SH3RF3: variants seen among roughly 807,000 people sequenced by gnomAD.
The protein encoded by SH3RF3 is E3 ubiquitin-protein ligase SH3RF3.
A neutral mutation model predicts 66.3 loss-of-function variants in SH3RF3; 29 were observed. The ratio of observed to expected loss-of-function variants is 0.44; its 90% CI spans 0.33 to 0.60. The LOEUF is 0.60. Among genes scored for constraint, SH3RF3 ranks in the 20% least tolerant of loss-of-function variants. SH3RF3 has a pLI of 0.04. For missense variants in SH3RF3, 1,194 were observed against 1,190.9 expected (o/e 1.00, Z -0.04); for synonymous variants, 583 against 532.0 (o/e 1.10, Z -1.32).
At chr2:109,230,449 G>T (rs1490389501) in intron 1 of SH3RF3, among the ~76,000 whole-genome samples, 1 of 152,120 alleles carries the variant, frequency 6.6e-6, no homozygotes, top group Non-Finnish European at 1.5e-5. Flanking sequence ...GCATGATGGT[G>T]CATGCCTGTT....
chr2:109,177,038 T>A (rs897621789), intron 1 of SH3RF3, among the ~76,000 whole-genome samples: 2 of 152,198 alleles, frequency 1.3e-5, no homozygotes, highest in African/African-American at 4.8e-5. Flanking sequence ...AGCCACCTGC[T>A]GTGTGACCTG....
At chr2:109,392,515 C>T (rs1375291150) in intron 3 of SH3RF3, among the ~76,000 whole-genome samples, 1 of 146,714 alleles carries the variant, frequency 6.8e-6, no homozygotes, top group East Asian at 2.0e-4. Context: ...CTTGCTTCTT[C>T]TTTTTTTTTT....
chr2:109,270,843 G>A (rs2098612562), intron 1 of SH3RF3, among the ~76,000 whole-genome samples: 2 of 152,244 alleles, frequency 1.3e-5, no homozygotes, highest in Admixed American at 1.3e-4. Context: ...CAGAGCGTTG[G>A]TAGGATGGAG....
At chr2:109,267,702 TC>T (rs1264909107) in intron 1 of SH3RF3, among the ~76,000 whole-genome samples, 1 of 152,168 alleles carries the variant, frequency 6.6e-6, no homozygotes, top group Non-Finnish European at 1.5e-5. Flanking sequence ...CCCTTTCCCT[TC>T]TTTTACTCTC....
intron 1 of SH3RF3, among the ~76,000 whole-genome samples, chr2:109,340,869 C>T (rs1682541588): frequency 6.6e-6 from 1 of 151,960 alleles, no homozygotes; most frequent in Non-Finnish European, 1.5e-5. Context: ...AACAGGGAAA[C>T]AGGCCACAAC....
intron 9 of SH3RF3, among the ~76,000 whole-genome samples, chr2:109,496,053 C>A (rs562018140): frequency 1.3e-5 from 2 of 152,190 alleles, no homozygotes; most frequent in Non-Finnish European, 1.5e-5. Flanking sequence ...GGGGACCCAC[C>A]GGGTTGCCCT....
chr2:109,475,646 C>T (rs550449919), intron 8 of SH3RF3, among the ~76,000 whole-genome samples: 6 of 152,350 alleles, frequency 3.9e-5, no homozygotes, highest in African/African-American at 1.4e-4. Context: ...CTGTGCTCTG[C>T]ATTGTAGGAT....
intron 1 of SH3RF3, among the ~76,000 whole-genome samples, chr2:109,318,408 A>C (rs1681937625): frequency 6.6e-6 from 1 of 152,140 alleles, no homozygotes; most frequent in Non-Finnish European, 1.5e-5. Context: ...GCCGAGCGCC[A>C]GAAGATTAGG....
At chr2:109,140,444 G>A (rs1485343738) in intron 1 of SH3RF3, among the ~76,000 whole-genome samples, 2 of 151,824 alleles carry the variant, frequency 1.3e-5, no homozygotes, top group Non-Finnish European at 2.9e-5. Context: ...GCAGTGGTGC[G>A]ATCTTGGCTC....
At chr2:109,390,754 G>A (rs886942278) in intron 3 of SH3RF3, among the ~76,000 whole-genome samples, 8 of 152,212 alleles carry the variant, frequency 5.3e-5, no homozygotes, top group African/African-American at 1.9e-4. Flanking sequence ...TTGGTTTTGA[G>A]GGCTGGCTTG....
intron 8 of SH3RF3, among the ~76,000 whole-genome samples, chr2:109,455,643 A>G (rs183473668): frequency 1.2e-3 from 177 of 152,344 alleles, no homozygotes; most frequent in Admixed American, 3.9e-3. Flanking sequence ...GTGGCCAGGC[A>G]GCTCTCTCTA....
At chr2:109,349,170 G>A (rs1301291922) in intron 2 of SH3RF3, among the ~76,000 whole-genome samples, 1 of 152,158 alleles carries the variant, frequency 6.6e-6, no homozygotes, top group African/African-American at 2.4e-5. Context: ...AGAGCTCGAG[G>A]TGGCACTCTC....
At chr2:109,299,343 A>G (rs1681400714) in intron 1 of SH3RF3, among the ~76,000 whole-genome samples, 2 of 151,688 alleles carry the variant, frequency 1.3e-5, no homozygotes, top group Admixed American at 6.6e-5. Flanking sequence ...ATATTTTCCC[A>G]TTTGGGTTAC....
At chr2:109,357,314 T>C (rs1357816439) in intron 2 of SH3RF3, among the ~76,000 whole-genome samples, 1 of 152,096 alleles carries the variant, frequency 6.6e-6, no homozygotes, top group Non-Finnish European at 1.5e-5. Context: ...CCCGAGTAGC[T>C]GGGACTACAG....
intron 2 of SH3RF3, among the ~76,000 whole-genome samples, chr2:109,359,858 C>A (rs757789942): frequency 1.2e-4 from 18 of 152,128 alleles, no homozygotes; most frequent in Non-Finnish European, 2.1e-4. Context: ...GCAAGCACAA[C>A]CATAAAGGGT....
At chr2:109,193,198 C>G (rs540715597) in intron 1 of SH3RF3, among the ~76,000 whole-genome samples, 4 of 152,240 alleles carry the variant, frequency 2.6e-5, no homozygotes, top group Non-Finnish European at 4.4e-5. Flanking sequence ...GGCAAATTGT[C>G]TGCCCTTCCT....
chr2:109,334,358 T>TAAAAAAA (rs372662372), intron 1 of SH3RF3, among the ~76,000 whole-genome samples: 2 of 126,118 alleles, frequency 1.6e-5, no homozygotes, highest in Admixed American at 8.4e-5. Flanking sequence ...TTTTTTCCTT[T>TAAAAAAA]AAAAAAAAAA....
chr2:109,479,415 C>CG (rs1350845531), intron 8 of SH3RF3, among the ~76,000 whole-genome samples: 1 of 152,216 alleles, frequency 6.6e-6, no homozygotes, highest in African/African-American at 2.4e-5. Context: ...TGTGACCTAT[C>CG]ATTCTTTCCT....
At chr2:109,331,673 G>C (rs755606628) in intron 1 of SH3RF3, among the ~76,000 whole-genome samples, 4 of 152,160 alleles carry the variant, frequency 2.6e-5, no homozygotes, top group Non-Finnish European at 5.9e-5. Flanking sequence ...TTAAGGTAGA[G>C]ATGTTTTTAT....
Sources: allele counts gnomAD v4.1 joint callset (sites outside exome capture counted in the v4.1 genomes callset), GRCh38; gene constraint gnomAD v4.1.1; transcripts MANE v1.5; gene names NCBI Gene and HGNC (gene_info 2026-07-23, HGNC 2026-07-21).